The following CHD5 variants were observed in gnomAD, a reference collection of about 807,000 sequenced individuals.
CHD5 encodes ATP-dependent chromatin remodeler CHD5.
CHD5 carries 69 observed loss-of-function variants against 230.3 expected under a neutral mutation model. The observed-to-expected ratio is 0.30, with a 90% CI of 0.25 to 0.37. The LOEUF (loss-of-function observed/expected upper bound fraction) is 0.37. Ranked by LOEUF, CHD5 falls within the 10% of genes least tolerant of loss-of-function variation. CHD5 has a pLI of 1.00. For missense variants in CHD5, 1,827 were observed against 2,622.8 expected (o/e 0.70, Z 6.63); for synonymous variants, 1,064 against 1,065.9 (o/e 1.00, Z 0.03).
At chr1:6,143,682 A>G in intron 13 of CHD5, 141 bp downstream of exon 13, 1 of 731,240 alleles carries the variant, frequency 1.4e-6, no homozygotes, top group Non-Finnish European at 2.3e-6. Flanking sequence ...GTCCTAGCCT[A>G]CATGGGCATG....
In CHD5 at chr1:6,128,478, C is replaced by T. The variant is rs1666599512; in HGVS notation, c.3730+21G>A. Reference sequence around the variant, plus strand: ...CACCTGGTCGGAGGAGGAGCTGAGGCTGGGCTGGGTTGGCCCCTACCTGGC... The same window carrying T: ...CACCTGGTCGGAGGAGGAGCTGAGGTTGGGCTGGGTTGGCCCCTACCTGGC... On this transcript the variant is annotated intron_variant, in intron 24 of 41. Transcript: ENST00000262450. The surrounding 1 kb of genome is among the most constrained non-coding windows in gnomAD (Gnocchi z 7.8). 6.3e-7 allele frequency: 1 copy of T among 1,578,280 alleles called. No individual in the cohort carries two copies. Among genetic ancestry groups the T allele is most frequent in the African/African-American group, 1.3e-5 (1 of 74,278 alleles).
intron 20 of CHD5, among the ~76,000 whole-genome samples, chr1:6,132,416 TG>T (rs1220889097): frequency 9.8e-5 from 15 of 152,322 alleles, no homozygotes; most frequent in African/African-American, 3.1e-4. Context: ...GGTTCTAACG[TG>T]TCTACGGGTT....
chr1:6,156,053 C>T (rs1445173429), intron 3 of CHD5, among the ~76,000 whole-genome samples: 1 of 152,204 alleles, frequency 6.6e-6, no homozygotes, highest in Non-Finnish European at 1.5e-5. Context: ...TGCCTGAGAC[C>T]AGGCCCCCAT....
chr1:6,127,024 C>T (rs765650532), intron 25 of CHD5: 29 of 492,112 alleles, frequency 5.9e-5, no homozygotes, highest in Non-Finnish European at 9.5e-5. Flanking sequence ...GTTGAATAAG[C>T]TCCCCCTTGC....
chr1:6,111,857 C>T lies in CHD5; in HGVS notation c.5167G>A (p.Glu1723Lys). 6.2e-7 allele frequency: 1 copy of T among 1,613,260 alleles called. No homozygotes were observed. The highest frequency in any genetic ancestry group is 8.5e-7 in the Non-Finnish European group (1 of 1,180,004). ...TTCCCAGAGGATACAGCAGCCCGCTCCTCGTTCTGCCACAGCGTGTGCAAC... is the reference window on the plus strand; with the variant it reads ...TTCCCAGAGGATACAGCAGCCCGCTTCTCGTTCTGCCACAGCGTGTGCAAC... The part of the protein sequence containing the change: ...TELHTLWQNE[E>K]RAAVSSGKIY... Residue 1723 changes from glutamate (E) to lysine (K), a missense_variant, in exon 36 of 42, where the codon GAG becomes AAG. Transcript: ENST00000262450.
At position 6,129,489 on chromosome 1, in the gene CHD5, G is replaced by GTATTC; in HGVS notation, c.3388-421_3388-420insGAATA. 6.6e-6 allele frequency among the ~76,000 whole-genome samples: 1 copy of GTATTC among 152,200 alleles called. No individual in the cohort carries two copies. Among genetic ancestry groups the GTATTC allele is most frequent in the Non-Finnish European group, 1.5e-5 (1 of 68,030 alleles). On this transcript the variant is annotated intron_variant, in intron 22 of 41. Coordinates refer to ENST00000262450, the MANE Select transcript of CHD5 (RefSeq NM_015557.3). The surrounding 1 kb of genome is among the most constrained non-coding windows in gnomAD (Gnocchi z 6.8). ...TGCTGGAGACACGCAGCCACCTTCT[G>GTATTC]AGGGCAGCAAGGAGCTGAATCTGCC...
chr1:6,163,724 G>A (rs1249710997), intron 2 of CHD5, among the ~76,000 whole-genome samples: 10 of 152,182 alleles, frequency 6.6e-5, no homozygotes, highest in South Asian at 2.1e-4. Flanking sequence ...ACCAAGCCAC[G>A]TGCAGGGGAG....
At chr1:6,150,983 C>A in intron 7 of CHD5, 49 bp downstream of exon 7, 1 of 1,465,836 alleles carries the variant, frequency 6.8e-7, no homozygotes, top group South Asian at 1.5e-5. Context: ...ACTCGTGCCC[C>A]ACTACATCCA....
Position 6,146,121 on chromosome 1 carries a change from G to T in CHD5, c.1802+91C>A. On this transcript the variant is annotated intron_variant, in intron 11 of 41. Transcript: ENST00000262450. This position sits in a 1 kb window ranked among gnomAD's most constrained non-coding sequence, Gnocchi z 5.1. ...ACGGCAGCCCCAAAGCAAGGGCCCTGGCACCCTGCGCTGCACCCATTTTAC... is the reference window on the plus strand; with the variant it reads ...ACGGCAGCCCCAAAGCAAGGGCCCTTGCACCCTGCGCTGCACCCATTTTAC... 1 of 1,300,416 alleles carries T rather than the reference G, an allele frequency of 7.7e-7. No individual in the cohort carries two copies. Among genetic ancestry groups the T allele is most frequent in the Non-Finnish European group, 1.1e-6 (1 of 924,034 alleles). 80.6% of individuals were successfully genotyped at this position (1,300,416 alleles called of 1,614,324 possible).
intron 37 of CHD5, 138 bp from the exon 38 acceptor site, chr1:6,110,128 G>C: frequency 1.0e-6 from 1 of 968,158 alleles, no homozygotes; most frequent in Non-Finnish European, 1.5e-6. Context: ...TGCCCACCCT[G>C]GCCTGGTGGT....
At chr1:6,159,043 T>A (rs1304555439) in intron 3 of CHD5, among the ~76,000 whole-genome samples, 11 of 143,826 alleles carry the variant, frequency 7.6e-5, no homozygotes, top group Non-Finnish European at 1.5e-4. Context: ...GGGACCATCC[T>A]GGCCAACATG....
chr1:6,105,300 G>A lies in CHD5; in HGVS notation c.*174C>T. On this transcript the variant is annotated 3_prime_UTR_variant, in exon 42 of 42. Coordinates refer to ENST00000262450, the MANE Select transcript of CHD5 (RefSeq NM_015557.3). This position sits in a 1 kb window ranked among gnomAD's most constrained non-coding sequence, Gnocchi z 4.8. ...CACTTCTGGGCTCTGGCCCAGCTGA[G>A]CTGGGCCTCGTCCTCCATGTGATGG... 1 of 424,076 alleles carries A rather than the reference G, an allele frequency of 2.4e-6. No homozygotes were observed. Among genetic ancestry groups the A allele is most frequent in the Non-Finnish European group, 4.8e-6 (1 of 208,348 alleles). 26.3% of individuals were successfully genotyped at this position (424,076 alleles called of 1,614,324 possible).
chr1:6,153,315 G>A (rs565498018), intron 5 of CHD5, among the ~76,000 whole-genome samples: 1 of 152,380 alleles, frequency 6.6e-6, no homozygotes, highest in South Asian at 2.1e-4. Flanking sequence ...GAGAAAACAA[G>A]GCAGGCTGGG....
chr1:6,119,031 A>G (rs1666421447), intron 33 of CHD5, among the ~76,000 whole-genome samples: 1 of 150,492 alleles, frequency 6.6e-6, no homozygotes, highest in Non-Finnish European at 1.5e-5. Context: ...CAACTGTATG[A>G]TATGTTAACT....
At chr1:6,138,021 G>A (rs553743491) in intron 15 of CHD5, among the ~76,000 whole-genome samples, 1 of 152,306 alleles carries the variant, frequency 6.6e-6, no homozygotes, top group Non-Finnish European at 1.5e-5. Context: ...AGGGCCTGGT[G>A]CCTGTGAGGG....
chr1:6,150,077 T>C (rs570504466), intron 7 of CHD5, among the ~76,000 whole-genome samples: 1 of 143,934 alleles, frequency 6.9e-6, no homozygotes, highest in South Asian at 2.3e-4. Flanking sequence ...GATGGATGCA[T>C]AGATGGACAA....
chr1:6,147,975 G>A (rs971696589), intron 9 of CHD5, among the ~76,000 whole-genome samples: 1 of 151,936 alleles, frequency 6.6e-6, no homozygotes, highest in African/African-American at 2.4e-5. Flanking sequence ...GGAAGAAGCT[G>A]AGAGGAACCC....
At chr1:6,159,071 C>T (rs1667124269) in intron 3 of CHD5, among the ~76,000 whole-genome samples, 1 of 148,774 alleles carries the variant, frequency 6.7e-6, no homozygotes, top group African/African-American at 2.5e-5. Flanking sequence ...CCTGTCTCTA[C>T]TAAAAATACA....
At chr1:6,160,130 GGGCCCC>G (rs1667146467) in intron 2 of CHD5, among the ~76,000 whole-genome samples, 1 of 128,568 alleles carries the variant, frequency 7.8e-6, no homozygotes, top group East Asian at 2.4e-4. Flanking sequence ...AGCCAGGGAA[GGGCCCC>G]AGCCAGGGAA....
Sources: allele counts gnomAD v4.1 joint callset (sites outside exome capture counted in the v4.1 genomes callset), GRCh38; gene constraint gnomAD v4.1.1; non-coding constraint Gnocchi (gnomAD v3.1); transcripts MANE v1.5; gene names NCBI Gene and HGNC (gene_info 2026-07-23, HGNC 2026-07-21).